The following GMDS variants were observed in gnomAD, a reference collection of about 807,000 sequenced individuals.
The protein encoded by GMDS is GDP-mannose 4,6-dehydratase, also known as GDP-mannose 4,6 dehydratase.
GMDS carries 20 observed loss-of-function variants against 49.9 expected under a neutral mutation model. The observed-to-expected ratio is 0.40, with a 90% CI of 0.28 to 0.58. The LOEUF is 0.58. GMDS is among the 20% of genes least tolerant of loss of function. The pLI is 0.42. For synonymous variants in GMDS, 177 were observed against 178.6 expected, an observed-to-expected ratio of 0.99 and a Z score of 0.07; for missense variants, 362 against 481.4, an observed-to-expected ratio of 0.75 and a Z score of 2.32.
chr6:1,969,261 C>CAAAAAAAA (rs761741871), intron 4 of GMDS, among the ~76,000 whole-genome samples: 2 of 14,096 alleles, frequency 1.4e-4, no homozygotes, highest in Non-Finnish European at 1.9e-4. Flanking sequence ...GGCTCCATCT[C>CAAAAAAAA]AAAAAAAAAA....
chr6:1,666,545 T>C (rs1205030558), intron 9 of GMDS, among the ~76,000 whole-genome samples: 2 of 152,122 alleles, frequency 1.3e-5, no homozygotes, highest in Non-Finnish European at 2.9e-5. Flanking sequence ...GATCCAAAGG[T>C]GAAGTTGAGA....
chr6:1,894,618 C>T (rs1409990761), intron 7 of GMDS, among the ~76,000 whole-genome samples: 2 of 152,082 alleles, frequency 1.3e-5, no homozygotes, highest in African/African-American at 2.4e-5. Flanking sequence ...AGATGTTATA[C>T]CTATTTTTTA....
chr6:1,734,486 T>C (rs1404889427), intron 8 of GMDS, among the ~76,000 whole-genome samples: 3 of 152,212 alleles, frequency 2.0e-5, no homozygotes, highest in Admixed American at 6.5e-5. Flanking sequence ...AATTTACAGA[T>C]GGCACGTGGG....
chr6:2,236,156 A>T (rs2127598378), intron 1 of GMDS, among the ~76,000 whole-genome samples: 1 of 152,352 alleles, frequency 6.6e-6, no homozygotes, highest in East Asian at 1.9e-4. Context: ...GGGGTTTCCC[A>T]ATCTCAGATT....
chr6:1,824,901 C>T (rs1771043669), intron 7 of GMDS, among the ~76,000 whole-genome samples: 1 of 152,136 alleles, frequency 6.6e-6, no homozygotes, highest in South Asian at 2.1e-4. Flanking sequence ...TTCCTGCCTC[C>T]CAAATATGAT....
At chr6:2,078,063 T>C (rs1219796365) in intron 4 of GMDS, among the ~76,000 whole-genome samples, 1 of 152,080 alleles carries the variant, frequency 6.6e-6, no homozygotes, top group East Asian at 1.9e-4. Flanking sequence ...TCCAGTCTGT[T>C]AGTGTGTAGC....
intron 4 of GMDS, among the ~76,000 whole-genome samples, chr6:1,964,085 G>A (rs1044341243): frequency 1.3e-5 from 2 of 152,112 alleles, no homozygotes; most frequent in African/African-American, 2.4e-5. Flanking sequence ...AAACACATAC[G>A]CACACACAGA....
At chr6:2,001,911 A>G (rs1358501360) in intron 4 of GMDS, among the ~76,000 whole-genome samples, 2 of 152,192 alleles carry the variant, frequency 1.3e-5, no homozygotes, top group Non-Finnish European at 2.9e-5. Flanking sequence ...ACCTAAATGT[A>G]GCAGTCTCAG....
intron 2 of GMDS, among the ~76,000 whole-genome samples, chr6:2,121,278 T>C (rs540138014): frequency 6.6e-6 from 1 of 152,266 alleles, no homozygotes; most frequent in Admixed American, 6.5e-5. Flanking sequence ...ATTAAGTGTA[T>C]AGCATAATCA....
intron 1 of GMDS, chr6:2,175,790 C>G (rs1561632721): frequency 1.8e-6 from 1 of 566,686 alleles, no homozygotes; most frequent in Non-Finnish European, 3.1e-6. Context: ...ATTTTTATAG[C>G]TAACATTTAT....
chr6:2,069,333 T>A (rs1277748512), intron 4 of GMDS, among the ~76,000 whole-genome samples: 3 of 152,134 alleles, frequency 2.0e-5, no homozygotes, highest in Admixed American at 6.5e-5. Context: ...AACCTAGGCT[T>A]TACCATTCAG....
At chr6:1,832,885 C>T (rs1347354962) in intron 7 of GMDS, among the ~76,000 whole-genome samples, 1 of 152,186 alleles carries the variant, frequency 6.6e-6, no homozygotes, top group African/African-American at 2.4e-5. Flanking sequence ...ATGTGAAGCA[C>T]ACGATGAACT....
At chr6:1,822,595 A>C (rs918975943) in intron 7 of GMDS, among the ~76,000 whole-genome samples, 1 of 152,346 alleles carries the variant, frequency 6.6e-6, no homozygotes, top group African/African-American at 2.4e-5. Context: ...TTAACAGTTA[A>C]TATTCCAATA....
chr6:1,642,838 C>T (rs1763372251), intron 9 of GMDS, among the ~76,000 whole-genome samples: 1 of 152,234 alleles, frequency 6.6e-6, no homozygotes, highest in Admixed American at 6.5e-5. Flanking sequence ...GGATGGGCCT[C>T]GGATCTCTGC....
At chr6:1,843,794 C>T (rs1007784174) in intron 7 of GMDS, among the ~76,000 whole-genome samples, 1 of 152,008 alleles carries the variant, frequency 6.6e-6, no homozygotes, top group Non-Finnish European at 1.5e-5. Context: ...TGCATGCATG[C>T]GTGGAGTATG....
At chr6:1,874,254 GA>G (rs1470475063) in intron 7 of GMDS, among the ~76,000 whole-genome samples, 1 of 152,174 alleles carries the variant, frequency 6.6e-6, no homozygotes, top group Non-Finnish European at 1.5e-5. Flanking sequence ...CTGGTAGAAA[GA>G]AATGTGAAAA....
intron 1 of GMDS, among the ~76,000 whole-genome samples, chr6:2,227,975 T>C (rs1219604997): frequency 6.6e-6 from 1 of 152,260 alleles, no homozygotes; most frequent in African/African-American, 2.4e-5. Flanking sequence ...TCTCGGCACG[T>C]GGCCCAAGCC....
chr6:2,126,643 C>G (rs1438192737), intron 1 of GMDS, among the ~76,000 whole-genome samples: 1 of 152,118 alleles, frequency 6.6e-6, no homozygotes, highest in African/African-American at 2.4e-5. Context: ...TCTTCTTCTT[C>G]TTCTTTTTTA....
rs1762761124 is a variant in GMDS at position 1,623,819 on chromosome 6, A to G, written c.*350T>C. The G allele has an allele frequency of 1.0e-5, 3 of 292,384 alleles. No homozygotes were observed. Among genetic ancestry groups the G allele is most frequent in the Non-Finnish European group, 1.9e-5 (3 of 156,658 alleles). The allele number at this position is 292,384 out of a possible 1,614,324, so 18.1% of individuals were successfully genotyped here. A position where few individuals can be genotyped will look rare whatever the true frequency, so the allele number is the denominator to read the frequency against. Reference sequence around the variant, plus strand: ...TGACCCTGTGAATGCTAGTTCACAGAAAGACCATTTTTAATATGAAAAGAG... The same window carrying G: ...TGACCCTGTGAATGCTAGTTCACAGGAAGACCATTTTTAATATGAAAAGAG... On this transcript the variant is annotated 3_prime_UTR_variant, in exon 11 of 11. Transcript: ENST00000380815.
Sources: gnomAD v4.1 joint callset for allele counts (sites outside exome capture counted in the v4.1 genomes callset) on GRCh38, gnomAD v4.1.1 for gene constraint, MANE v1.5 for transcripts, NCBI Gene and HGNC (gene_info 2026-07-23, HGNC 2026-07-21) for gene names.